The following ZC3H4 variants were observed in gnomAD, a reference collection of about 807,000 sequenced individuals.
ZC3H4 encodes the protein zinc finger CCCH domain-containing protein 4.
Under a neutral mutation model 108.3 loss-of-function variants are expected in ZC3H4, and 13 were observed. The ratio of observed to expected loss-of-function variants is 0.12; its 90% CI spans 0.08 to 0.19. The LOEUF (loss-of-function observed/expected upper bound fraction) is 0.19, where lower values mean the gene tolerates loss of function less well. Ranked by LOEUF, ZC3H4 falls within the 10% of genes least tolerant of loss-of-function variation. ZC3H4 has a pLI of 1.00. For missense variants in ZC3H4, 1,734 were observed against 1,838.8 expected (o/e 0.94, Z 1.04); for synonymous variants, 917 against 749.6 (o/e 1.22, Z -3.65).
rs1460695900 is a variant in ZC3H4, at chr19:47,066,685, C to T, written c.3583G>A (p.Ala1195Thr). ...TTCCCTGTCTCTGGCTGTTCCAGGG[C>T]AGACTTGCGGACGAACGGGGGCTCC... Reference protein sequence around the residue: ...AKEPPFVRKSALEQPETGKAG... With the variant: ...AKEPPFVRKSTLEQPETGKAG... The change falls in exon 15 of 15, where the codon GCC (alanine) becomes ACC (threonine). Residue 1195 changes from alanine to threonine, a missense_variant. By Grantham distance (58) the Ala-to-Thr change is moderately conservative. Around this residue, in one of 9 missense-constraint regions of ZC3H4, gnomAD observed 518 missense variants for 499.6 expected, o/e 1.04. Coordinates refer to ENST00000253048, the MANE Select transcript of ZC3H4 (RefSeq NM_015168.2). 1.2e-6 allele frequency: 2 copies of T among 1,611,092 alleles called. No homozygotes were observed. The highest frequency in any genetic ancestry group is 1.7e-6 in the Non-Finnish European group (2 of 1,179,382).
In ZC3H4 at chr19:47,065,254, C is replaced by T. The variant is rs1157438566; in HGVS notation, c.*1102G>A. 1 of 152,748 alleles carries T rather than the reference C, an allele frequency of 6.5e-6. No individual in the cohort carries two copies. The highest frequency in any genetic ancestry group is 1.9e-4 in the East Asian group (1 of 5,196). The allele number at this position is 152,748 out of a possible 1,614,324, so 9.5% of individuals were successfully genotyped here. A position where few individuals can be genotyped will look rare whatever the true frequency, so the allele number is the denominator to read the frequency against. On this transcript the variant is annotated 3_prime_UTR_variant, in exon 15 of 15. Coordinates refer to ENST00000253048, the MANE Select transcript of ZC3H4 (RefSeq NM_015168.2). ...CCACAAATCCCACAGAGCAACACAC[C>T]TTGGAACACCTGCATCTGCTGGCTT...
At chr19:47,096,992 TG>T in intron 2 of ZC3H4, 1 of 985,384 alleles carries the variant, frequency 1.0e-6, no homozygotes, top group Non-Finnish European at 1.2e-6. Context: ...TGCCACTCGC[TG>T]GCTCGGACGA....
Position 47,065,498 on chromosome 19 carries a change from G to C in ZC3H4, c.*858C>G, listed in dbSNP as rs2057180981. The C allele has an allele frequency of 6.5e-6, 1 of 152,816 alleles. No individual in the cohort carries two copies. Among genetic ancestry groups the C allele is most frequent in the South Asian group, 2.1e-4 (1 of 4,826 alleles). The allele number at this position is 152,816 out of a possible 1,614,324, so 9.5% of individuals were successfully genotyped here. A position where few individuals can be genotyped will look rare whatever the true frequency, so the allele number is the denominator to read the frequency against. On this transcript the variant is annotated 3_prime_UTR_variant, in exon 15 of 15. Transcript: ENST00000253048. ...GGCTTGAGGACCAGGACAGACCCTG[G>C]TGTGGGCAAGCAGGGTGTGGCCCAC...
At chr19:47,074,008 C>G (rs10415740) in intron 11 of ZC3H4, among the ~76,000 whole-genome samples, 87,808 of 151,904 alleles carry the variant, frequency 0.58, 27,137 homozygotes, top group Non-Finnish European at 0.71. Flanking sequence ...TATCTGGGGA[C>G]GACTGGGTAG....
At chr19:47,097,994 G>C (rs2057850083) in intron 2 of ZC3H4, among the ~76,000 whole-genome samples, 1 of 152,210 alleles carries the variant, frequency 6.6e-6, no homozygotes, top group Non-Finnish European at 1.5e-5. Flanking sequence ...AATGGGAAGA[G>C]GCCAACGCCT....
chr19:47,113,041 G>A (rs573510650), intron 1 of ZC3H4, among the ~76,000 whole-genome samples: 4 of 152,252 alleles, frequency 2.6e-5, no homozygotes, highest in Non-Finnish European at 5.9e-5. Context: ...GAGACGGGCC[G>A]ACTGTCTCCC....
intron 9 of ZC3H4, among the ~76,000 whole-genome samples, chr19:47,083,501 T>C (rs1458320923): frequency 2.6e-5 from 4 of 152,076 alleles, no homozygotes; most frequent in Admixed American, 6.6e-5. Flanking sequence ...AATCAGGAGT[T>C]TGGGACCAGC....
intron 2 of ZC3H4, among the ~76,000 whole-genome samples, chr19:47,111,163 C>T (rs752057416): frequency 3.3e-5 from 5 of 152,284 alleles, no homozygotes; most frequent in East Asian, 1.9e-4. Flanking sequence ...GCTTTCCTGC[C>T]GGCTGAAACC....
At chr19:47,110,431 T>C (rs1248214868) in intron 2 of ZC3H4, among the ~76,000 whole-genome samples, 2 of 152,188 alleles carry the variant, frequency 1.3e-5, no homozygotes, top group Middle Eastern at 3.2e-3. Context: ...CACTTTTTTT[T>C]CTGAGAAAAC....
At chr19:47,099,546 G>C (rs1411635340) in intron 2 of ZC3H4, among the ~76,000 whole-genome samples, 1 of 151,640 alleles carries the variant, frequency 6.6e-6, no homozygotes, top group Non-Finnish European at 1.5e-5. Flanking sequence ...CTTTCTACTT[G>C]GTCACAACCA....
rs756190113 is a variant in ZC3H4 at position 47,082,268 on chromosome 19, T to C, written c.1246A>G (p.Ile416Val). 6.2e-7 allele frequency: 1 copy of C among 1,614,032 alleles called. No homozygotes were observed. Among genetic ancestry groups the C allele is most frequent in the Non-Finnish European group, 8.5e-7 (1 of 1,179,914 alleles). Residue 416 changes from isoleucine (I) to valine (V), a missense_variant, in exon 10 of 15, where the codon ATC becomes GTC. By Grantham distance (29) the Ile-to-Val change is conservative. Coordinates refer to ENST00000253048, the MANE Select transcript of ZC3H4 (RefSeq NM_015168.2). The stretch of plus-strand genomic sequence containing the variant: ...AGTTCTCGCTTCTTTGGGAGTTCGA[T>C]GTCATGGCTAAAATTACAGTGGTCT... The part of the protein sequence containing the change: ...WGDHCNFSHD[I>V]ELPKKRELCK...
intron 2 of ZC3H4, among the ~76,000 whole-genome samples, chr19:47,109,358 C>T (rs1331418718): frequency 6.6e-6 from 1 of 152,180 alleles, no homozygotes; most frequent in Non-Finnish European, 1.5e-5. Context: ...AAAAATTTCA[C>T]TTACAAAAGA....
chr19:47,089,173 TC>T (rs1488620160), intron 5 of ZC3H4, among the ~76,000 whole-genome samples: 1 of 121,362 alleles, frequency 8.2e-6, no homozygotes, highest in Non-Finnish European at 1.6e-5. Context: ...GCCACTGCAC[TC>T]CAGCCTGGCG....
intron 2 of ZC3H4, among the ~76,000 whole-genome samples, chr19:47,095,525 A>T (rs147030874): frequency 2.6e-5 from 4 of 152,114 alleles, no homozygotes; most frequent in African/African-American, 9.6e-5. Flanking sequence ...CTGGCTCCCC[A>T]TCCTACACTC....
chr19:47,113,019 GAACGGGCCGCGGA>G (rs1032808257), intron 1 of ZC3H4, among the ~76,000 whole-genome samples: 3 of 152,240 alleles, frequency 2.0e-5, no homozygotes, highest in African/African-American at 4.8e-5. Context: ...GGGAGAGAGG[GAACGGGCCGCGGA>G]GACGGGCCGA....
Position 47,072,606 on chromosome 19 carries a change from G to C in ZC3H4, c.1548C>G (p.Leu516=), listed in dbSNP as rs756229937. ...CAGGGGGCCGAGGAGGGGTGGGCAG[G>C]AGGCCCACACCAGGGGGCGGTTTGG... ...PLPKPPPGVG[L]LPTPPRPPGP... The change falls in exon 12 of 15, where the codon CTC becomes CTG. Residue 516 remains leucine, a synonymous_variant. Coordinates refer to ENST00000253048, the MANE Select transcript of ZC3H4 (RefSeq NM_015168.2). The surrounding 1 kb of genome is among the most constrained non-coding windows in gnomAD (Gnocchi z 5.6). 4 of 1,607,104 alleles carry C rather than the reference G, an allele frequency of 2.5e-6. No homozygotes were observed. The Admixed American group carries it at 5.0e-5, about 20-fold the overall frequency.
intron 2 of ZC3H4, chr19:47,111,041 A>AT: frequency 2.1e-6 from 1 of 474,842 alleles, no homozygotes; most frequent in South Asian, 9.0e-5. Flanking sequence ...CCTGGCTGAG[A>AT]CCCCCCGGCT....
rs1225031567 is a variant in ZC3H4 at position 47,082,233 on chromosome 19, A to G, written c.1281T>C (p.Phe427=). The change falls in exon 10 of 15, where the codon TTT becomes TTC. Residue 427 remains phenylalanine, a synonymous_variant. Transcript: ENST00000253048. ...ELPKKRELCK[F]YITGFCARAE... Reference sequence around the variant, plus strand: ...CTCTGGCGCAAAATCCAGTGATGTAAAACTTGCACAGTTCTCGCTTCTTTG... The same window carrying G: ...CTCTGGCGCAAAATCCAGTGATGTAGAACTTGCACAGTTCTCGCTTCTTTG... 1 of 1,614,098 alleles carries G rather than the reference A, an allele frequency of 6.2e-7. No individual in the cohort carries two copies. Among genetic ancestry groups the G allele is most frequent in the Admixed American group, 1.7e-5 (1 of 60,024 alleles).
At chr19:47,112,367 C>A (rs936522421) in intron 2 of ZC3H4, 57 bp downstream of exon 2, 5 of 1,207,890 alleles carry the variant, frequency 4.1e-6, no homozygotes, top group South Asian at 4.1e-5. Flanking sequence ...GCCCCCCTTC[C>A]TCCTCCTCCT....
Sources: gnomAD v4.1 joint callset for allele counts (sites outside exome capture counted in the v4.1 genomes callset) on GRCh38, gnomAD v4.1.1 for gene constraint, gnomAD v4.1.1 regional missense constraint, Gnocchi (gnomAD v3.1) non-coding constraint, MANE v1.5 for transcripts, NCBI Gene and HGNC (gene_info 2026-07-23, HGNC 2026-07-21) for gene names.